Variants in TXLNG observed in about 807,000 individuals in gnomAD.
The protein encoded by TXLNG is gamma-taxilin.
In TXLNG, 5 loss-of-function variants were observed where a neutral mutation model predicts 38.8. The observed-to-expected ratio is 0.13, with a 90% confidence interval of 0.07 to 0.27. The LOEUF (loss-of-function observed/expected upper bound fraction) is 0.27. TXLNG is among the 10% of genes least tolerant of loss of function. The pLI, the probability that TXLNG is intolerant of heterozygous loss-of-function variation, is 1.00. For missense variants in TXLNG, 393 were observed against 398.2 expected (o/e 0.99, Z 0.11); for synonymous variants, 182 against 158.2 (o/e 1.15, Z -1.13).
At chrX:16,841,024 A>G (rs959978996) in intron 9 of TXLNG, among the ~76,000 whole-genome samples, 8 of 109,617 alleles carry the variant, frequency 7.3e-5, no homozygotes, top group East Asian at 2.9e-4. Flanking sequence ...GTGAAACTCC[A>G]TCTCTACTAA....
intron 1 of TXLNG, among the ~76,000 whole-genome samples, chrX:16,808,807 G>A (rs936528429): frequency 2.7e-5 from 3 of 111,467 alleles, no homozygotes; most frequent in Non-Finnish European, 5.7e-5. Flanking sequence ...GGATATTTCT[G>A]AATTTTTGCT....
At chrX:16,840,997 C>T (rs917716901) in intron 9 of TXLNG, among the ~76,000 whole-genome samples, 5 of 111,035 alleles carry the variant, frequency 4.5e-5, no homozygotes, top group Non-Finnish European at 9.4e-5. Context: ...GAAATCAAGA[C>T]CATCCTGGCC....
Position 16,818,632 on chromosome X carries a change from T to C in TXLNG, c.161T>C (p.Met54Thr), listed in dbSNP as rs768750991. 5.0e-6 allele frequency: 6 copies of C among 1,212,098 alleles called. No individual in the cohort carries two copies. The highest frequency in any genetic ancestry group is 2.3e-4 in the Middle Eastern group (1 of 4,327). The change falls in exon 2 of 10, where the codon ATG (methionine) becomes ACG (threonine). Residue 54 changes from methionine to threonine, a missense_variant. Coordinates refer to ENST00000380122, the MANE Select transcript of TXLNG (RefSeq NM_018360.3). ...GICGLGVKAD[M>T]LCNSQSNDIL... Reference sequence around the variant, plus strand: ...TGTGGGCTAGGGGTGAAAGCAGATATGTTGTGTAACTCTCAATCAAATGAT... The same window carrying C: ...TGTGGGCTAGGGGTGAAAGCAGATACGTTGTGTAACTCTCAATCAAATGAT...
rs764044984 is a variant in TXLNG, at chrX:16,792,372, C to G, written c.102+5783C>G. Among the ~76,000 whole-genome samples, 7 of 111,771 alleles carry G rather than the reference C, an allele frequency of 6.3e-5. No individual in the cohort carries two copies. The East Asian group carries it at 2.0e-3, about 31-fold the overall frequency. ...CTCGTTAAGTTTTAACTTAATACCT[C>G]AAGAAATCTGTTTGCCTGTTCCTCC... On this transcript the variant is annotated intron_variant, in intron 1 of 9. Transcript: ENST00000380122.
At chrX:16,830,883 G>A (rs991183411) in intron 5 of TXLNG, among the ~76,000 whole-genome samples, 2 of 90,825 alleles carry the variant, frequency 2.2e-5, no homozygotes, top group Non-Finnish European at 4.6e-5. Context: ...GTGTGTGTGT[G>A]TGTATAGAGA....
chrX:16,806,916 C>CAAA (rs1182577038), intron 1 of TXLNG, among the ~76,000 whole-genome samples: 2 of 38,903 alleles, frequency 5.1e-5, no homozygotes, highest in Non-Finnish European at 4.7e-5. Flanking sequence ...GACTCTGTCT[C>CAAA]AAAAAAAAAA....
intron 1 of TXLNG, among the ~76,000 whole-genome samples, chrX:16,794,629 C>G (rs1435475781): frequency 9.0e-6 from 1 of 111,634 alleles, no homozygotes; most frequent in Admixed American, 9.6e-5. Context: ...CTTGATGTTT[C>G]AGAGGTGTAT....
chrX:16,823,813 T>C (rs1413164876), intron 3 of TXLNG, among the ~76,000 whole-genome samples: 1 of 111,726 alleles, frequency 9.0e-6, no homozygotes, highest in East Asian at 2.8e-4. Context: ...AATGCTATTC[T>C]TTCCCATCCT....
intron 4 of TXLNG, 88 bp downstream of exon 4, chrX:16,828,352 C>T: frequency 1.1e-6 from 1 of 943,625 alleles, no homozygotes; most frequent in Non-Finnish European, 1.4e-6. Context: ...AAATCCTTGT[C>T]TCTACTTGGA....
At chrX:16,812,690 C>T (rs1458169082) in intron 1 of TXLNG, among the ~76,000 whole-genome samples, 13 of 81,786 alleles carry the variant, frequency 1.6e-4, no homozygotes, top group Non-Finnish European at 2.2e-5. Context: ...CTGCGGCCAG[C>T]CTTTTTTTTT....
At chrX:16,840,936 C>G (rs1602405393) in intron 9 of TXLNG, among the ~76,000 whole-genome samples, 1 of 111,739 alleles carries the variant, frequency 8.9e-6, no homozygotes, top group East Asian at 2.8e-4. Context: ...TTGGCTCACG[C>G]CTGTAATCCC....
chrX:16,822,439 T>C (rs750552032), intron 3 of TXLNG, among the ~76,000 whole-genome samples: 2 of 111,775 alleles, frequency 1.8e-5, no homozygotes, highest in South Asian at 3.7e-4. Context: ...CTTTCACTAT[T>C]TGTAGCAACA....
intron 2 of TXLNG, 65 bp downstream of exon 2, chrX:16,818,942 C>A (rs895917797): frequency 1.8e-6 from 2 of 1,097,676 alleles, no homozygotes; most frequent in African/African-American, 3.7e-5. Context: ...TTTCTGCAGC[C>A]CAGATAATTT....
At position 16,841,791 on chromosome X, in the gene TXLNG, G is replaced by A; in HGVS notation, c.*25G>A. The A allele has an allele frequency of 8.6e-7, 1 of 1,167,614 alleles. No individual in the cohort carries two copies. Among genetic ancestry groups the A allele is most frequent in the Non-Finnish European group, 1.2e-6 (1 of 869,260 alleles). ...AGATGAGGTGTGATCACTGTATTGA[G>A]AGATATATTTTGTGTATAACTTTCT... On this transcript the variant is annotated 3_prime_UTR_variant, in exon 10 of 10. Coordinates refer to ENST00000380122, the MANE Select transcript of TXLNG (RefSeq NM_018360.3).
chrX:16,815,055 G>T (rs1204286091), intron 1 of TXLNG, among the ~76,000 whole-genome samples: 1 of 111,970 alleles, frequency 8.9e-6, no homozygotes, highest in Non-Finnish European at 1.9e-5. Flanking sequence ...CGAATTTCAT[G>T]CTCACTGTAT....
chrX:16,827,968 AAAT>A, intron 3 of TXLNG, 123 bp from the exon 4 acceptor site: 1 of 550,734 alleles, frequency 1.8e-6, no homozygotes, highest in South Asian at 7.6e-5. Flanking sequence ...GAAACAATTT[AAAT>A]AATATATTAA....
At chrX:16,834,216 A>G in intron 6 of TXLNG, 67 bp from the exon 7 acceptor site, 1 of 932,097 alleles carries the variant, frequency 1.1e-6, no homozygotes, top group Non-Finnish European at 1.5e-6. Flanking sequence ...CCTAACTCTG[A>G]TCATTTGATA....
At position 16,843,309 on chromosome X, in the gene TXLNG, C is replaced by CCAA. The variant is rs1929935284; in HGVS notation, c.*1546_*1548dup. The CCAA allele has an allele frequency of 8.9e-6, 1 of 111,901 alleles. No homozygotes were observed. The highest frequency in any genetic ancestry group is 3.3e-5 in the African/African-American group (1 of 30,721). 9.2% of individuals were successfully genotyped at this position (111,901 alleles called of 1,213,427 possible). On this transcript the variant is annotated 3_prime_UTR_variant, in exon 10 of 10. Transcript: ENST00000380122. The stretch of plus-strand genomic sequence containing the variant: ...CTGGGTTGAAAGAATTGAAAATTGT[C>CCAA]CAACAGATAGATAGATAGGAAACCG...
In TXLNG at chrX:16,807,242, A is replaced by G. The variant is rs901059475; in HGVS notation, c.103-11332A>G. Among the ~76,000 whole-genome samples, 4 of 112,105 alleles carry G rather than the reference A, an allele frequency of 3.6e-5. No homozygotes were observed. The Admixed American group carries it at 3.8e-4, about 11-fold the overall frequency. Reference sequence around the variant, plus strand: ...AGAGTTAATCCCTGCTAAAAATTCTACGTATCTTTCATGATGTTTTCTGAA... The same window carrying G: ...AGAGTTAATCCCTGCTAAAAATTCTGCGTATCTTTCATGATGTTTTCTGAA... On this transcript the variant is annotated intron_variant, in intron 1 of 9. Transcript: ENST00000380122.
Sources: allele counts gnomAD v4.1 joint callset (sites outside exome capture counted in the v4.1 genomes callset), GRCh38; gene constraint gnomAD v4.1.1; transcripts MANE v1.5; gene names NCBI Gene and HGNC (gene_info 2026-07-23, HGNC 2026-07-21).